CNTNAP2: variants seen among roughly 807,000 people sequenced by gnomAD.
CNTNAP2 encodes contactin associated protein 2, also known as contactin-associated protein-like 2.
Under a neutral mutation model 155.2 loss-of-function variants are expected in CNTNAP2, and 98 were observed. The ratio of observed to expected loss-of-function variants is 0.63; its 90% CI spans 0.54 to 0.75. The LOEUF (loss-of-function observed/expected upper bound fraction) is 0.75, where lower values mean the gene tolerates loss of function less well. CNTNAP2 is among the 30% of genes least tolerant of loss of function. The pLI is 0.00. For missense variants in CNTNAP2, 1,727 were observed against 1,688.1 expected (o/e 1.02, Z -0.40); for synonymous variants, 651 against 631.2 (o/e 1.03, Z -0.47).
rs200700029 is a variant in CNTNAP2 at position 147,516,839 on chromosome 7, C to T, written c.1777+30798C>T. On this transcript the variant is annotated intron_variant, in intron 11 of 23. Transcript: ENST00000361727. Reference sequence around the variant, plus strand: ...GAAAACCACAAAATGTAATTAATTTCTTTCTTTTCTTTTTTTTTTTTTTTT... The same window carrying T: ...GAAAACCACAAAATGTAATTAATTTTTTTCTTTTCTTTTTTTTTTTTTTTT... 8.8e-3 allele frequency among the ~76,000 whole-genome samples: 1,209 copies of T among 136,872 alleles called. 7 individuals are homozygous for T. Among genetic ancestry groups the T allele is most frequent in the South Asian group, 0.02 (86 of 4,258 alleles). 89.8% of individuals were successfully genotyped at this position (136,872 alleles called of 152,430 possible).
intron 2 of CNTNAP2, among the ~76,000 whole-genome samples, chr7:146,783,030 T>C (rs1802516867): frequency 6.6e-6 from 1 of 152,194 alleles, no homozygotes; most frequent in Non-Finnish European, 1.5e-5. Context: ...TTTAAAACTT[T>C]CAGTATTTTT....
intron 13 of CNTNAP2, among the ~76,000 whole-genome samples, chr7:147,736,954 G>T (rs1197515101): frequency 6.6e-6 from 1 of 152,080 alleles, no homozygotes; most frequent in African/African-American, 2.4e-5. Flanking sequence ...TAACTTCTTT[G>T]CCATGGGTTC....
chr7:147,428,755 C>T (rs927170175), intron 10 of CNTNAP2, among the ~76,000 whole-genome samples: 1 of 152,114 alleles, frequency 6.6e-6, no homozygotes, highest in African/African-American at 2.4e-5. Flanking sequence ...GTAATACCTG[C>T]TCTTCTAAGG....
chr7:147,543,879 T>A (rs1447515747), intron 11 of CNTNAP2, among the ~76,000 whole-genome samples: 1 of 152,196 alleles, frequency 6.6e-6, no homozygotes, highest in Non-Finnish European at 1.5e-5. Flanking sequence ...CTAAGTAACC[T>A]CTTGTCTTCC....
chr7:146,985,598 G>A (rs1260066780), intron 3 of CNTNAP2, among the ~76,000 whole-genome samples: 1 of 152,058 alleles, frequency 6.6e-6, no homozygotes, highest in Non-Finnish European at 1.5e-5. Flanking sequence ...AGGATTACAG[G>A]CGTAAGCCAC....
Position 148,279,618 on chromosome 7 carries a change from C to T in CNTNAP2, c.3475+12492C>T, listed in dbSNP as rs145872378. On this transcript the variant is annotated intron_variant, in intron 21 of 23. Transcript: ENST00000361727. ...ATCAGAAACCGAACACCACCTGTAA[C>T]ACGGCCTTTTCCTGTCTTTATCTCC... Among the ~76,000 whole-genome samples, 661 of 152,292 alleles carry T rather than the reference C, an allele frequency of 4.3e-3. 3 individuals are homozygous for T. Among genetic ancestry groups the T allele is most frequent in the Non-Finnish European group, 6.8e-3 (462 of 68,014 alleles).
intron 1 of CNTNAP2, among the ~76,000 whole-genome samples, chr7:146,662,987 A>G (rs955958892): frequency 6.6e-6 from 1 of 152,166 alleles, no homozygotes; most frequent in African/African-American, 2.4e-5. Context: ...GAATAACTAC[A>G]GAAATCAGAG....
At chr7:146,658,299 G>A (rs891416884) in intron 1 of CNTNAP2, among the ~76,000 whole-genome samples, 4 of 151,872 alleles carry the variant, frequency 2.6e-5, no homozygotes, top group Non-Finnish European at 5.9e-5. Context: ...AAATTATTTT[G>A]AGAGTGTGGA....
chr7:147,730,867 G>A (rs923689459), intron 13 of CNTNAP2, among the ~76,000 whole-genome samples: 2 of 152,096 alleles, frequency 1.3e-5, no homozygotes, highest in Non-Finnish European at 2.9e-5. Flanking sequence ...GTGAAAACAT[G>A]AACGATAGAA....
Position 147,873,663 on chromosome 7 carries a change from T to C in CNTNAP2, c.2099-29902T>C, listed in dbSNP as rs539909766. Among the ~76,000 whole-genome samples, 4 of 152,224 alleles carry C rather than the reference T, an allele frequency of 2.6e-5. No homozygotes were observed. In the East Asian group the frequency reaches 7.7e-4, roughly 29 times the overall value. On this transcript the variant is annotated intron_variant, in intron 13 of 23. Transcript: ENST00000361727. ...CAAACTATATCATTCTGCCCCTGGC[T>C]CCTCCCAAATCTCATGTCCTCACAT...
chr7:147,691,358 A>G (rs1228724091), intron 13 of CNTNAP2, among the ~76,000 whole-genome samples: 1 of 152,130 alleles, frequency 6.6e-6, no homozygotes, highest in East Asian at 1.9e-4. Context: ...AGCATTTGTC[A>G]ATTTCCATGG....
chr7:147,282,199 T>C (rs1333894304), intron 8 of CNTNAP2, among the ~76,000 whole-genome samples: 1 of 151,972 alleles, frequency 6.6e-6, no homozygotes, highest in African/African-American at 2.4e-5. Context: ...TGTTAAAGGC[T>C]GAGCTAGACA....
intron 8 of CNTNAP2, among the ~76,000 whole-genome samples, chr7:147,238,092 A>G (rs573226880): frequency 5.9e-5 from 9 of 152,080 alleles, no homozygotes; most frequent in East Asian, 5.8e-4. Flanking sequence ...TCGGCTCACT[A>G]CAAGCTCCGC....
intron 13 of CNTNAP2, among the ~76,000 whole-genome samples, chr7:147,751,127 A>G (rs1303699006): frequency 6.6e-6 from 1 of 151,674 alleles, no homozygotes; most frequent in Non-Finnish European, 1.5e-5. Flanking sequence ...AAGTTCTGCC[A>G]CAATTAGCTG....
intron 1 of CNTNAP2, among the ~76,000 whole-genome samples, chr7:146,641,711 G>A (rs532080450): frequency 6.6e-6 from 1 of 152,132 alleles, no homozygotes; most frequent in Non-Finnish European, 1.5e-5. Context: ...TTTCATGCAG[G>A]TGTTTCGGAG....
At chr7:146,228,568 G>A (rs563721734) in intron 1 of CNTNAP2, among the ~76,000 whole-genome samples, 1 of 152,072 alleles carries the variant, frequency 6.6e-6, no homozygotes, top group Non-Finnish European at 1.5e-5. Flanking sequence ...AGCTCTTTAT[G>A]CATTAATAGT....
chr7:147,401,335 A>G (rs1193216760), intron 10 of CNTNAP2, among the ~76,000 whole-genome samples: 1 of 152,244 alleles, frequency 6.6e-6, no homozygotes, highest in Admixed American at 6.5e-5. Context: ...ACTAGATCCT[A>G]TTCCAGAGTT....
chr7:148,332,508 T>C (rs1188443110), intron 21 of CNTNAP2, among the ~76,000 whole-genome samples: 1 of 152,172 alleles, frequency 6.6e-6, no homozygotes. Flanking sequence ...TTTATAAAAA[T>C]CTTGACCCAG....
At chr7:147,986,872 T>C (rs919563203) in intron 15 of CNTNAP2, among the ~76,000 whole-genome samples, 2 of 88,452 alleles carry the variant, frequency 2.3e-5, no homozygotes, top group African/African-American at 1.2e-4. Flanking sequence ...ATGTTTTTTG[T>C]TTGTGTGTGT....
Sources: allele counts gnomAD v4.1 joint callset (sites outside exome capture counted in the v4.1 genomes callset), GRCh38; gene constraint gnomAD v4.1.1; transcripts MANE v1.5; gene names NCBI Gene and HGNC (gene_info 2026-07-23, HGNC 2026-07-21).